The following TMEM117 variants were observed in gnomAD, a reference collection of about 807,000 sequenced individuals.
The protein encoded by TMEM117 is transmembrane protein 117.
In TMEM117, 27 loss-of-function variants were observed where a neutral mutation model predicts 52.4. The observed-to-expected ratio is 0.51, with a 90% confidence interval of 0.38 to 0.71. The LOEUF (loss-of-function observed/expected upper bound fraction) is 0.71. Among genes scored for constraint, TMEM117 ranks in the 30% least tolerant of loss-of-function variants. The pLI, the probability that TMEM117 is intolerant of heterozygous loss-of-function variation, is 0.00. For missense variants in TMEM117, 556 were observed against 630.5 expected, an observed-to-expected ratio of 0.88 and a Z score of 1.26; for synonymous variants, 215 against 206.3, an observed-to-expected ratio of 1.04 and a Z score of -0.36.
intron 6 of TMEM117, among the ~76,000 whole-genome samples, chr12:44,363,247 C>A (rs1951746676): frequency 6.6e-6 from 1 of 152,106 alleles, no homozygotes; most frequent in Non-Finnish European, 1.5e-5. Flanking sequence ...AAAAATAAAA[C>A]CTGCCATGTA....
intron 3 of TMEM117, 21 bp downstream of exon 3, chr12:43,944,363 C>T (rs1945094840): frequency 6.2e-7 from 1 of 1,600,704 alleles, no homozygotes; most frequent in Admixed American, 1.7e-5. Flanking sequence ...TTTCCCCTTT[C>T]TACTGTGGTG....
chr12:43,895,261 T>C (rs998552315), intron 2 of TMEM117, among the ~76,000 whole-genome samples: 1 of 152,194 alleles, frequency 6.6e-6, no homozygotes, highest in Non-Finnish European at 1.5e-5. Context: ...TGGTTTTGTG[T>C]TCCTGTGTAA....
intron 3 of TMEM117, among the ~76,000 whole-genome samples, chr12:43,992,033 C>G (rs1945951055): frequency 6.6e-6 from 1 of 151,890 alleles, no homozygotes; most frequent in Non-Finnish European, 1.5e-5. Flanking sequence ...AGTGGTGGCA[C>G]ATGCCTGTAG....
Position 44,318,365 on chromosome 12 carries a change from C to G in TMEM117, c.768+18626C>G, listed in dbSNP as rs184398639. On this transcript the variant is annotated intron_variant, in intron 6 of 7. Transcript: ENST00000266534. ...GCCCTGCTACACTCTAATCTATGTA[C>G]GTTAAGGTGAGATGGCTCAGGCTAC... The G allele has an allele frequency of 9.2e-5, 14 of 152,230 alleles. No individual in the cohort carries two copies. In the East Asian group the frequency reaches 2.7e-3, roughly 30 times the overall value. 9.4% of individuals were successfully genotyped at this position (152,230 alleles called of 1,614,324 possible).
At chr12:44,136,717 T>G (rs932912665) in intron 3 of TMEM117, among the ~76,000 whole-genome samples, 1 of 152,192 alleles carries the variant, frequency 6.6e-6, no homozygotes, top group African/African-American at 2.4e-5. Flanking sequence ...AATATTTTAC[T>G]TTTTAAATTA....
At chr12:43,865,195 A>G (rs1943568459) in intron 2 of TMEM117, among the ~76,000 whole-genome samples, 1 of 152,086 alleles carries the variant, frequency 6.6e-6, no homozygotes, top group Admixed American at 6.5e-5. Context: ...ATTCCGACAC[A>G]GTGGGAAGGG....
At chr12:44,077,590 G>A (rs1251795073) in intron 3 of TMEM117, among the ~76,000 whole-genome samples, 1 of 152,004 alleles carries the variant, frequency 6.6e-6, no homozygotes, top group Non-Finnish European at 1.5e-5. Flanking sequence ...TGATTGGAAG[G>A]GCATGAATCC....
At chr12:44,077,449 CGTT>C (rs768937054) in intron 3 of TMEM117, among the ~76,000 whole-genome samples, 10 of 152,072 alleles carry the variant, frequency 6.6e-5, no homozygotes, top group Non-Finnish European at 1.5e-4. Context: ...TACTTAGAAA[CGTT>C]GAGCTGAATT....
chr12:44,249,333 G>A (rs571245638), intron 5 of TMEM117, among the ~76,000 whole-genome samples: 3 of 152,186 alleles, frequency 2.0e-5, no homozygotes, highest in Admixed American at 6.5e-5. Context: ...TCCATACAAC[G>A]GGTAAAATTC....
rs149488743 is a variant in TMEM117 at position 44,076,881 on chromosome 12, A to G, written c.411-66644A>G. On this transcript the variant is annotated intron_variant, in intron 3 of 7. Coordinates refer to ENST00000266534, the MANE Select transcript of TMEM117 (RefSeq NM_032256.3). ...ACCAACCATTTCCAGGAGCAGTAGT[A>G]GACAGGCCTTAAACTATTGATTTGA... is the stretch of plus-strand genomic sequence containing the variant. 1.8e-4 allele frequency among the ~76,000 whole-genome samples: 27 copies of G among 152,332 alleles called. No individual in the cohort carries two copies. The East Asian group carries it at 5.0e-3, about 28-fold the overall frequency.
chr12:43,844,955 A>T (rs758944504), intron 2 of TMEM117, 27 bp downstream of exon 2: 2 of 1,576,142 alleles, frequency 1.3e-6, no homozygotes, highest in Non-Finnish European at 1.7e-6. Context: ...ATGAAATGTA[A>T]TATCACTAAT....
At position 44,311,805 on chromosome 12, in the gene TMEM117, GTATATA is replaced by G. The variant is rs1410938648; in HGVS notation, c.768+12068_768+12073del. ...TATATATGTATATATATGTATATAT[GTATATA>G]TGTATATATATGTATATATGTATAT... On this transcript the variant is annotated intron_variant, in intron 6 of 7. Coordinates refer to ENST00000266534, the MANE Select transcript of TMEM117 (RefSeq NM_032256.3). Among the ~76,000 whole-genome samples the G allele has an allele frequency of 9.1e-5, 9 of 99,362 alleles. No individual in the cohort carries two copies. The South Asian group carries it at 9.7e-4, about 11-fold the overall frequency. 65.2% of individuals were successfully genotyped at this position (99,362 alleles called of 152,430 possible). A position where few individuals can be genotyped will look rare whatever the true frequency, so the allele number is the denominator to read the frequency against.
chr12:44,154,093 C>G (rs1592564070), intron 4 of TMEM117, among the ~76,000 whole-genome samples: 1 of 152,026 alleles, frequency 6.6e-6, no homozygotes, highest in East Asian at 1.9e-4. Context: ...GGACCTGCCT[C>G]CACGATCCTT....
chr12:44,349,066 A>G (rs1371750986), intron 6 of TMEM117, among the ~76,000 whole-genome samples: 2 of 152,020 alleles, frequency 1.3e-5, no homozygotes, highest in Non-Finnish European at 1.5e-5. Flanking sequence ...TGTATTAATC[A>G]AGCATAAATT....
intron 3 of TMEM117, among the ~76,000 whole-genome samples, chr12:44,004,195 G>A (rs1281997137): frequency 6.6e-6 from 1 of 150,940 alleles, no homozygotes; most frequent in Admixed American, 6.6e-5. Context: ...AGTGTAGATG[G>A]ACCTGCACGA....
chr12:43,986,396 G>T (rs1945847547), intron 3 of TMEM117, among the ~76,000 whole-genome samples: 1 of 152,054 alleles, frequency 6.6e-6, no homozygotes, highest in Non-Finnish European at 1.5e-5. Context: ...CTGGATATAG[G>T]ATTAGAATTT....
At chr12:44,173,515 A>G (rs1414895059) in intron 4 of TMEM117, among the ~76,000 whole-genome samples, 1 of 151,454 alleles carries the variant, frequency 6.6e-6, no homozygotes, top group African/African-American at 2.4e-5. Flanking sequence ...TTGAGTTTGG[A>G]TGTGGATGGT....
At chr12:43,954,432 CAAAT>C (rs1245777504) in intron 3 of TMEM117, among the ~76,000 whole-genome samples, 6 of 151,680 alleles carry the variant, frequency 4.0e-5, no homozygotes, top group Non-Finnish European at 7.4e-5. Context: ...AGAGAAGACT[CAAAT>C]AAACACAATC....
chr12:43,924,372 A>G (rs60221557), intron 2 of TMEM117, among the ~76,000 whole-genome samples: 10,092 of 152,270 alleles, frequency 0.066, 416 homozygotes, highest in Middle Eastern at 0.14. Context: ...TTTATTGTCA[A>G]TATAGACATC....
Sources: allele counts gnomAD v4.1 joint callset (sites outside exome capture counted in the v4.1 genomes callset), GRCh38; gene constraint gnomAD v4.1.1; transcripts MANE v1.5; gene names NCBI Gene and HGNC (gene_info 2026-07-23, HGNC 2026-07-21).